MACROD2: variants seen among roughly 807,000 people sequenced by gnomAD.
The protein encoded by MACROD2 is ADP-ribose glycohydrolase MACROD2.
Under a neutral mutation model 70.4 loss-of-function variants are expected in MACROD2, and 36 were observed. That is an observed-to-expected ratio of 0.51 (90% CI 0.39 to 0.68). MACROD2 has a LOEUF of 0.68. Ranked by LOEUF, MACROD2 falls within the 30% of genes least tolerant of loss-of-function variation. MACROD2 has a pLI of 0.00. For missense variants in MACROD2, 496 were observed against 538.4 expected, an observed-to-expected ratio of 0.92 and a Z score of 0.78; for synonymous variants, 172 against 178.8, an observed-to-expected ratio of 0.96 and a Z score of 0.30.
chr20:15,575,869 C>A (rs2048440684), intron 8 of MACROD2, among the ~76,000 whole-genome samples: 1 of 152,102 alleles, frequency 6.6e-6, no homozygotes, highest in African/African-American at 2.4e-5. Flanking sequence ...CCAAAGGTAC[C>A]ATTATTGTTG....
intron 3 of MACROD2, among the ~76,000 whole-genome samples, chr20:14,217,910 T>C (rs540715505): frequency 1.6e-4 from 25 of 152,254 alleles, no homozygotes; most frequent in Middle Eastern, 3.4e-3. Context: ...CTTTTCTTGG[T>C]TAATCTTGCC....
chr20:15,543,428 C>A (rs541047705), intron 8 of MACROD2, among the ~76,000 whole-genome samples: 1 of 152,124 alleles, frequency 6.6e-6, no homozygotes, highest in South Asian at 2.1e-4. Context: ...TGGTGCCACA[C>A]ACAGGTGATC....
chr20:14,601,266 A>G (rs1347311638), intron 4 of MACROD2, among the ~76,000 whole-genome samples: 4 of 152,072 alleles, frequency 2.6e-5, no homozygotes, highest in Non-Finnish European at 4.4e-5. Flanking sequence ...TGTTTTCTGG[A>G]TGATCATCAG....
At chr20:15,446,815 T>A (rs747262842) in intron 7 of MACROD2, among the ~76,000 whole-genome samples, 7 of 152,116 alleles carry the variant, frequency 4.6e-5, no homozygotes, top group South Asian at 4.1e-4. Flanking sequence ...TCATCCTTAG[T>A]GAAAAAGATA....
chr20:14,589,921 C>T (rs569932692), intron 4 of MACROD2, among the ~76,000 whole-genome samples: 1 of 152,204 alleles, frequency 6.6e-6, no homozygotes, highest in East Asian at 1.9e-4. Flanking sequence ...ACTGACCCTT[C>T]CATCTGTGAG....
chr20:14,737,239 T>A (rs1175763957), intron 5 of MACROD2, among the ~76,000 whole-genome samples: 1 of 152,188 alleles, frequency 6.6e-6, no homozygotes, highest in Non-Finnish European at 1.5e-5. Flanking sequence ...TTGCTGAGAA[T>A]AATGGTTTCC....
At chr20:14,422,930 CA>C (rs533482920) in intron 3 of MACROD2, among the ~76,000 whole-genome samples, 1 of 152,172 alleles carries the variant, frequency 6.6e-6, no homozygotes, top group Non-Finnish European at 1.5e-5. Flanking sequence ...CTCGGGTTAG[CA>C]TTTCTTTTAG....
chr20:14,941,765 A>G (rs1009678712), intron 5 of MACROD2, among the ~76,000 whole-genome samples: 1 of 151,048 alleles, frequency 6.6e-6, no homozygotes, highest in Non-Finnish European at 1.5e-5. Context: ...CAAGATTCTG[A>G]ATTTCTTTCT....
chr20:14,590,731 T>C lies in MACROD2; in HGVS notation c.302-94112T>C, dbSNP rs143583514. ...ACATAAAAGAAAATATTTCATTTTATTTGTATTTTCTGCTCTTAACTATAA... is the reference window on the plus strand; with the variant it reads ...ACATAAAAGAAAATATTTCATTTTACTTGTATTTTCTGCTCTTAACTATAA... On this transcript the variant is annotated intron_variant, in intron 4 of 17. Transcript: ENST00000684519. Among the ~76,000 whole-genome samples the C allele has an allele frequency of 6.3e-3, 954 of 152,326 alleles. 11 individuals are homozygous for C. The highest frequency in any genetic ancestry group is 0.022 in the African/African-American group (914 of 41,584).
rs753749285 is a variant in MACROD2, at chr20:14,530,756, T to G, written c.301+37248T>G. 1.0e-3 allele frequency among the ~76,000 whole-genome samples: 153 copies of G among 152,320 alleles called. 1 individual carries two copies. Among genetic ancestry groups the G allele is most frequent in the Admixed American group, 4.3e-3 (66 of 15,286 alleles). On this transcript the variant is annotated intron_variant, in intron 4 of 17. Transcript: ENST00000684519. ...CGCGGAAAAATAATTTATCTTAAATTTTTAAGTGTGTGTTTAATTTTCTCA... is the reference window on the plus strand; with the variant it reads ...CGCGGAAAAATAATTTATCTTAAATGTTTAAGTGTGTGTTTAATTTTCTCA...
At chr20:15,983,245 A>T (rs2066428007) in intron 13 of MACROD2, among the ~76,000 whole-genome samples, 1 of 152,206 alleles carries the variant, frequency 6.6e-6, no homozygotes, top group Admixed American at 6.5e-5. Flanking sequence ...TTGCATCTAA[A>T]TAGATGTGAG....
At chr20:15,326,292 A>T (rs989192715) in intron 6 of MACROD2, among the ~76,000 whole-genome samples, 1 of 152,134 alleles carries the variant, frequency 6.6e-6, no homozygotes, top group Non-Finnish European at 1.5e-5. Flanking sequence ...TAAGAAGTTT[A>T]AAATTCCAGC....
chr20:14,998,075 G>A (rs749582778), intron 5 of MACROD2, among the ~76,000 whole-genome samples: 5 of 152,198 alleles, frequency 3.3e-5, no homozygotes, highest in Non-Finnish European at 5.9e-5. Context: ...CAGCTGCAGT[G>A]ACCAAAGATT....
intron 5 of MACROD2, among the ~76,000 whole-genome samples, chr20:15,108,489 T>C (rs997186545): frequency 9.2e-5 from 14 of 152,138 alleles, no homozygotes; most frequent in African/African-American, 3.1e-4. Flanking sequence ...AGTGGCCTTA[T>C]TCTATACCTA....
intron 6 of MACROD2, among the ~76,000 whole-genome samples, chr20:15,410,686 G>T (rs1260500375): frequency 6.6e-6 from 1 of 150,918 alleles, no homozygotes; most frequent in African/African-American, 2.4e-5. Flanking sequence ...GCATCAATGA[G>T]GAAGTAGCCA....
intron 4 of MACROD2, among the ~76,000 whole-genome samples, chr20:14,569,717 G>A (rs2123315082): frequency 6.6e-6 from 1 of 151,930 alleles, no homozygotes; most frequent in East Asian, 1.9e-4. Flanking sequence ...CTTCTGTGTG[G>A]CCAAATTTAT....
chr20:14,741,740 A>G (rs1285948509), intron 5 of MACROD2, among the ~76,000 whole-genome samples: 2 of 152,128 alleles, frequency 1.3e-5, no homozygotes, highest in Non-Finnish European at 2.9e-5. Context: ...TTTGGCAAAG[A>G]AATATTTTCT....
At chr20:15,636,892 A>G (rs566261222) in intron 8 of MACROD2, among the ~76,000 whole-genome samples, 5 of 152,208 alleles carry the variant, frequency 3.3e-5, no homozygotes, top group African/African-American at 1.2e-4. Context: ...AACTAAAACT[A>G]ATGAATGGAA....
At position 15,922,437 on chromosome 20, in the gene MACROD2, A is replaced by G. The variant is rs574345386; in HGVS notation, c.776-10839A>G. Among the ~76,000 whole-genome samples, 8 of 152,322 alleles carry G rather than the reference A, an allele frequency of 5.3e-5. No homozygotes were observed. The East Asian group carries it at 1.5e-3, about 29-fold the overall frequency. On this transcript the variant is annotated intron_variant, in intron 10 of 17. Transcript: ENST00000684519. ...CCTTAGATATTTTACATTTTTTCAC[A>G]CTACATTCAAAATCTGACATATATG... is the stretch of plus-strand genomic sequence containing the variant.
Sources: allele counts gnomAD v4.1 joint callset (sites outside exome capture counted in the v4.1 genomes callset), GRCh38; gene constraint gnomAD v4.1.1; transcripts MANE v1.5; gene names NCBI Gene and HGNC (gene_info 2026-07-23, HGNC 2026-07-21).